DLGAP1: variants seen among roughly 807,000 people sequenced by gnomAD.
DLGAP1 encodes disks large-associated protein 1.
Under a neutral mutation model 90.8 loss-of-function variants are expected in DLGAP1, and 11 were observed. That is an observed-to-expected ratio of 0.12 (90% CI 0.08 to 0.20). The LOEUF is 0.20. Ranked by LOEUF, DLGAP1 falls within the 10% of genes least tolerant of loss-of-function variation. The probability of loss-of-function intolerance (pLI) is 1.00; values close to 1 mark genes in which losing one functional copy is unlikely to be tolerated. For missense variants in DLGAP1, 1,050 were observed against 1,333.8 expected (o/e 0.79, Z 3.31); for synonymous variants, 558 against 540.7 (o/e 1.03, Z -0.44).
intron 8 of DLGAP1, among the ~76,000 whole-genome samples, chr18:3,579,064 C>T (rs948068944): frequency 2.0e-5 from 3 of 152,026 alleles, no homozygotes; most frequent in African/African-American, 7.2e-5. Context: ...TATTATTATT[C>T]TGAAACTGTT....
chr18:4,179,425 C>T (rs747043602), intron 1 of DLGAP1, among the ~76,000 whole-genome samples: 17 of 152,144 alleles, frequency 1.1e-4, no homozygotes, highest in Non-Finnish European at 2.1e-4. Flanking sequence ...TAACTTAAGA[C>T]CATTTCCTTT....
At chr18:4,437,730 T>A (rs2083435883) in intron 1 of DLGAP1, among the ~76,000 whole-genome samples, 1 of 152,210 alleles carries the variant, frequency 6.6e-6, no homozygotes, top group South Asian at 2.1e-4. Flanking sequence ...GTATAATAAA[T>A]ATGGTTTAAA....
At chr18:4,374,875 A>C (rs2081984455) in intron 1 of DLGAP1, among the ~76,000 whole-genome samples, 1 of 152,164 alleles carries the variant, frequency 6.6e-6, no homozygotes, top group Non-Finnish European at 1.5e-5. Context: ...GTAACATGTC[A>C]ATTTGTAGTT....
At chr18:4,393,312 C>T (rs1270357438) in intron 1 of DLGAP1, among the ~76,000 whole-genome samples, 1 of 152,132 alleles carries the variant, frequency 6.6e-6, no homozygotes, top group African/African-American at 2.4e-5. Context: ...CTCCATGCCT[C>T]TCTCTCTCAC....
intron 9 of DLGAP1, among the ~76,000 whole-genome samples, chr18:3,546,887 T>C (rs1378433558): frequency 6.7e-6 from 1 of 149,320 alleles, no homozygotes; most frequent in Non-Finnish European, 1.5e-5. Flanking sequence ...AATGAAGGAG[T>C]AAACAGAAAA....
chr18:4,418,870 A>C (rs533889844), intron 1 of DLGAP1, among the ~76,000 whole-genome samples: 97 of 152,226 alleles, frequency 6.4e-4, no homozygotes, highest in East Asian at 3.1e-3. Flanking sequence ...AAACAAAAAA[A>C]AAACCTCAGA....
chr18:4,326,455 C>T (rs1366404741), intron 1 of DLGAP1, among the ~76,000 whole-genome samples: 1 of 152,032 alleles, frequency 6.6e-6, no homozygotes, highest in East Asian at 1.9e-4. Flanking sequence ...GAACTGAACA[C>T]AGAATTAGCA....
rs184095199 is a variant in DLGAP1 at position 4,337,018 on chromosome 18, G to A, written c.-267+117988C>T. On this transcript the variant is annotated intron_variant, in intron 1 of 12. Coordinates refer to ENST00000315677, the MANE Select transcript of DLGAP1 (RefSeq NM_004746.4). ...AGTTCCAGCTACTCCGGAGGCTGAG[G>A]TAGGAGAATGGCATGAACCCAGGAG... 3.9e-3 allele frequency among the ~76,000 whole-genome samples: 583 copies of A among 150,918 alleles called. 7 individuals are homozygous for A. Among genetic ancestry groups the A allele is most frequent in the African/African-American group, 0.013 (551 of 41,164 alleles).
At chr18:3,571,762 G>A (rs1161803228) in intron 8 of DLGAP1, among the ~76,000 whole-genome samples, 4 of 152,100 alleles carry the variant, frequency 2.6e-5, no homozygotes, top group East Asian at 3.9e-4. Context: ...TCTTGACCTC[G>A]TGATCCGCCC....
chr18:3,741,082 TCACCATCACCACCAC>T (rs2062936784), intron 6 of DLGAP1, among the ~76,000 whole-genome samples: 1 of 41,518 alleles, frequency 2.4e-5, no homozygotes, highest in African/African-American at 1.1e-4. Context: ...ACCACCACCA[TCACCATCACCACCAC>T]CACCATCACC....
At chr18:4,249,266 C>T (rs1049561381) in intron 1 of DLGAP1, among the ~76,000 whole-genome samples, 30 of 152,202 alleles carry the variant, frequency 2.0e-4, no homozygotes, top group East Asian at 1.2e-3. Context: ...AGAACACTGC[C>T]GGGCACAAAG....
chr18:4,083,590 A>G (rs1294586850), intron 2 of DLGAP1, among the ~76,000 whole-genome samples: 3 of 152,224 alleles, frequency 2.0e-5, no homozygotes, highest in African/African-American at 7.2e-5. Context: ...CAGAAATATA[A>G]TGAAGCATTA....
chr18:3,855,233 G>A lies in DLGAP1; in HGVS notation c.957+23879C>T, dbSNP rs184774575. Among the ~76,000 whole-genome samples the A allele has an allele frequency of 2.1e-3, 314 of 152,226 alleles. 2 individuals carry two copies. Among genetic ancestry groups the A allele is most frequent in the African/African-American group, 7.3e-3 (305 of 41,538 alleles). ...TATTCTCACTTAAGCCAAACATTAAGTACATATGGACACAAACAAGGGAAC... is the reference window on the plus strand; with the variant it reads ...TATTCTCACTTAAGCCAAACATTAAATACATATGGACACAAACAAGGGAAC... On this transcript the variant is annotated intron_variant, in intron 4 of 12. Coordinates refer to ENST00000315677, the MANE Select transcript of DLGAP1 (RefSeq NM_004746.4).
At chr18:3,722,369 A>G (rs965874860) in intron 7 of DLGAP1, 3 of 152,198 alleles carry the variant, frequency 2.0e-5, no homozygotes, top group Admixed American at 2.0e-4. Context: ...TTATAGAGGA[A>G]TCCTACCTCG....
chr18:3,930,309 G>GT (rs1308486721), intron 3 of DLGAP1, among the ~76,000 whole-genome samples: 2 of 152,126 alleles, frequency 1.3e-5, no homozygotes, highest in African/African-American at 4.8e-5. Context: ...CATGGGTGTG[G>GT]TACTGTGCTA....
rs1048933764 is a variant in DLGAP1, at chr18:4,026,538, G to A, written c.-158-21337C>T. ...CAAAGGGTGAAAAAAAAGAAGAGTC[G>A]AGAGAATAGGAATTTTCTTTCTATA... On this transcript the variant is annotated intron_variant, in intron 2 of 12. Coordinates refer to ENST00000315677, the MANE Select transcript of DLGAP1 (RefSeq NM_004746.4). Among the ~76,000 whole-genome samples the A allele has an allele frequency of 1.1e-4, 16 of 152,134 alleles. No homozygotes were observed. The East Asian group carries it at 1.2e-3, about 11-fold the overall frequency.
intron 4 of DLGAP1, among the ~76,000 whole-genome samples, chr18:3,840,353 T>C (rs1457834571): frequency 6.6e-6 from 1 of 152,214 alleles, no homozygotes; most frequent in African/African-American, 2.4e-5. Context: ...CTGGGCGTCC[T>C]CTGGAGGCTC....
chr18:4,068,203 A>T (rs1463993871), intron 2 of DLGAP1, among the ~76,000 whole-genome samples: 2 of 151,990 alleles, frequency 1.3e-5, no homozygotes, highest in Non-Finnish European at 2.9e-5. Flanking sequence ...CCTCAATGCA[A>T]TATGGGCTTG....
At chr18:3,789,010 G>A (rs1444223390) in intron 5 of DLGAP1, among the ~76,000 whole-genome samples, 6 of 152,046 alleles carry the variant, frequency 3.9e-5, no homozygotes, top group African/African-American at 1.5e-4. Flanking sequence ...TACATTTATC[G>A]ATTCATTCGC....
Sources: allele counts gnomAD v4.1 joint callset (sites outside exome capture counted in the v4.1 genomes callset), GRCh38; gene constraint gnomAD v4.1.1; transcripts MANE v1.5; gene names NCBI Gene and HGNC (gene_info 2026-07-23, HGNC 2026-07-21).